Variants in ZFYVE26 observed in about 807,000 individuals in gnomAD.
ZFYVE26 encodes the protein zinc finger FYVE-type containing 26.
In ZFYVE26, 181 loss-of-function variants were observed where a neutral mutation model predicts 276.5. The ratio of observed to expected loss-of-function variants is 0.65; its 90% confidence interval spans 0.58 to 0.74. ZFYVE26 has a LOEUF of 0.74. Ranked by LOEUF, ZFYVE26 falls within the 30% of genes least tolerant of loss-of-function variation. The pLI is 0.00. For synonymous variants in ZFYVE26, 1,129 were observed against 1,203.1 expected (o/e 0.94, Z 1.27); for missense variants, 2,821 against 3,097.9 (o/e 0.91, Z 2.12).
chr14:67,773,210 T>C (rs1381350198), intron 27 of ZFYVE26, among the ~76,000 whole-genome samples: 1 of 152,150 alleles, frequency 6.6e-6, no homozygotes, highest in Non-Finnish European at 1.5e-5. Context: ...TACTGAAATA[T>C]TTATAAATGA....
At position 67,733,775 on chromosome 14, in the gene ZFYVE26, G is replaced by T. The variant is rs746131696; in HGVS notation, n.2680-3956C>A. On this transcript the variant is annotated intron_variant and non_coding_transcript_variant, in intron 13 of 14. Coordinates refer to the ZFYVE26 transcript ENST00000394455. Reference sequence around the variant, plus strand: ...TGCAAGAGGACCTGGGTGTCTCCAAGGGCCCGAAATAACAAAACAGCTGAG... The same window carrying T: ...TGCAAGAGGACCTGGGTGTCTCCAATGGCCCGAAATAACAAAACAGCTGAG... The T allele has an allele frequency of 6.2e-7, 1 of 1,613,400 alleles. No individual in the cohort carries two copies. Among genetic ancestry groups the T allele is most frequent in the Non-Finnish European group, 8.5e-7 (1 of 1,179,580 alleles).
At chr14:67,757,745 C>T (rs1028026734) in intron 35 of ZFYVE26, among the ~76,000 whole-genome samples, 5 of 151,768 alleles carry the variant, frequency 3.3e-5, no homozygotes, top group Middle Eastern at 3.4e-3. Context: ...GACAGAATCT[C>T]ACTCTGTAAC....
At chr14:67,766,489 G>A (rs752287351) in intron 31 of ZFYVE26, 42 bp from the exon 32 acceptor site, 3 of 1,588,934 alleles carry the variant, frequency 1.9e-6, no homozygotes, top group Non-Finnish European at 2.6e-6. Context: ...GTGAGTCCAG[G>A]GGCCAGAGCA....
chr14:67,789,898 G>A (rs924440741), intron 15 of ZFYVE26, among the ~76,000 whole-genome samples: 4 of 152,154 alleles, frequency 2.6e-5, no homozygotes, highest in African/African-American at 9.7e-5. Flanking sequence ...TCTCTAGAAC[G>A]CATCACTAAA....
chr14:67,779,880 T>A (rs906603791), intron 23 of ZFYVE26, among the ~76,000 whole-genome samples: 3 of 152,138 alleles, frequency 2.0e-5, no homozygotes, highest in African/African-American at 4.8e-5. Flanking sequence ...GTTATTTTAT[T>A]TTATTTTTTG....
At position 67,783,489 on chromosome 14, in the gene ZFYVE26, T is replaced by G; in HGVS notation, c.3663A>C (p.Leu1221=). 6.2e-7 allele frequency: 1 copy of G among 1,613,720 alleles called. No homozygotes were observed. Among genetic ancestry groups the G allele is most frequent in the Non-Finnish European group, 8.5e-7 (1 of 1,180,028 alleles). The part of the protein sequence containing the change: ...AALLAQENLS[L]SVPQVIVSCC... ...AGCTGACGATGACCTGTGGCACACT[T>G]AGGCTGAGATTCTCTTGGGCCAGAA... Residue 1221 remains leucine (L), a synonymous_variant, in exon 21 of 42, where the codon CTA becomes CTC. Coordinates refer to ENST00000347230, the MANE Select transcript of ZFYVE26 (RefSeq NM_015346.4).
intron 27 of ZFYVE26, among the ~76,000 whole-genome samples, chr14:67,773,553 G>GCA (rs150277930): frequency 0.26 from 35,241 of 136,814 alleles, 5,861 homozygotes; most frequent in Middle Eastern, 0.38. Context: ...AAAAAAAGGC[G>GCA]CACACACACA....
chr14:67,802,644 C>A (rs1029239784), intron 9 of ZFYVE26, among the ~76,000 whole-genome samples: 4 of 151,992 alleles, frequency 2.6e-5, no homozygotes, highest in African/African-American at 9.7e-5. Flanking sequence ...CTCTTTTTTG[C>A]CTTTTTGAAG....
chr14:67,779,033 C>A (rs1403102720), intron 23 of ZFYVE26, among the ~76,000 whole-genome samples: 4 of 152,322 alleles, frequency 2.6e-5, no homozygotes, highest in Admixed American at 6.5e-5. Context: ...TGTTTCACCA[C>A]CATCTACCAC....
Position 67,800,481 on chromosome 14 carries a change from T to C in ZFYVE26, c.1639+1598A>G, listed in dbSNP as rs191509858. 7.2e-4 allele frequency among the ~76,000 whole-genome samples: 109 copies of C among 152,248 alleles called. 1 individual carries two copies. Among genetic ancestry groups the C allele is most frequent in the African/African-American group, 2.1e-3 (86 of 41,526 alleles). On this transcript the variant is annotated intron_variant, in intron 10 of 41. Transcript: ENST00000347230. ...TATGTATTAAATATGTCCAGTTTTT[T>C]GGTTAAAAAAAAAATTGCACTGGCT...
At chr14:67,815,684 G>C in intron 2 of ZFYVE26, 86 bp downstream of exon 2, 2 of 1,310,520 alleles carry the variant, frequency 1.5e-6, no homozygotes. Context: ...GAGGGTAGTT[G>C]AGTGGGGGCA....
At chr14:67,770,036 C>G (rs4899224) in intron 28 of ZFYVE26, 1 of 435,408 alleles carries the variant, frequency 2.3e-6, no homozygotes, top group Non-Finnish European at 4.3e-6. Context: ...AAGTCACTTT[C>G]TAAGCCAGTG....
In ZFYVE26 at chr14:67,747,840, C is replaced by T. The variant is rs989212820; in HGVS notation, c.*596G>A. On this transcript the variant is annotated 3_prime_UTR_variant, in exon 42 of 42. Transcript: ENST00000347230. ...GACTTCTTGTGCTTGGGAGAAGAGA[C>T]ACCTGGAAAACAGGTTTATTCCACA... 2 of 156,982 alleles carry T rather than the reference C, an allele frequency of 1.3e-5. No homozygotes were observed. The highest frequency in any genetic ancestry group is 4.8e-5 in the African/African-American group (2 of 41,452). 9.7% of individuals were successfully genotyped at this position (156,982 alleles called of 1,614,324 possible).
intron 27 of ZFYVE26, among the ~76,000 whole-genome samples, chr14:67,772,908 C>T (rs1421485448): frequency 6.6e-6 from 1 of 151,932 alleles, no homozygotes; most frequent in African/African-American, 2.4e-5. Context: ...TTATAGTAGC[C>T]ATGATCATAC....
At chr14:67,734,646 G>C (rs1402288402) in intron 13 of ZFYVE26, among the ~76,000 whole-genome samples, 1 of 152,194 alleles carries the variant, frequency 6.6e-6, no homozygotes, top group East Asian at 1.9e-4. Flanking sequence ...TGTAGCTGCT[G>C]GGAGGAATCC....
At chr14:67,799,724 GC>G (rs1339270270) in intron 10 of ZFYVE26, 28 of 788,262 alleles carry the variant, frequency 3.6e-5, no homozygotes, top group African/African-American at 8.6e-5. Context: ...TGTCTTTCCA[GC>G]CTGAATTTTT....
At chr14:67,788,184 T>G (rs1594919804) in intron 16 of ZFYVE26, among the ~76,000 whole-genome samples, 1 of 150,836 alleles carries the variant, frequency 6.6e-6, no homozygotes, top group South Asian at 2.1e-4. Context: ...ACGTCAGGAG[T>G]TCGAGATCAG....
chr14:67,806,136 A>G (rs1169290602), intron 6 of ZFYVE26, among the ~76,000 whole-genome samples: 1 of 152,238 alleles, frequency 6.6e-6, no homozygotes, highest in African/African-American at 2.4e-5. Context: ...TCCAGCTCCT[A>G]TTACAGTACA....
At chr14:67,792,633 T>A (rs2039843206) in intron 14 of ZFYVE26, among the ~76,000 whole-genome samples, 1 of 152,154 alleles carries the variant, frequency 6.6e-6, no homozygotes, top group South Asian at 2.1e-4. Flanking sequence ...TAATTGAGAC[T>A]GGGCGCAATG....
Sources: gnomAD v4.1 joint callset for allele counts (sites outside exome capture counted in the v4.1 genomes callset) on GRCh38, gnomAD v4.1.1 for gene constraint, MANE v1.5 for transcripts, NCBI Gene and HGNC (gene_info 2026-07-23, HGNC 2026-07-21) for gene names.